Variants in CROCC2 observed in about 807,000 individuals in gnomAD.
CROCC2 encodes the protein ciliary rootlet coiled-coil, rootletin family member 2, also known as ciliary rootlet coiled-coil protein 2.
In CROCC2, 163 loss-of-function variants were observed where a neutral mutation model predicts 177.6. That is an observed-to-expected ratio of 0.92 (90% confidence interval 0.81 to 1.05). The LOEUF is 1.05. Among genes scored for constraint, CROCC2 ranks in the 50% least tolerant of loss-of-function variants. The pLI, the probability that CROCC2 is intolerant of heterozygous loss-of-function variation, is 0.00. For missense variants in CROCC2, 1,929 were observed against 1,797.8 expected (o/e 1.07, Z -1.32); for synonymous variants, 904 against 787.3 (o/e 1.15, Z -2.48).
intron 27 of CROCC2, among the ~76,000 whole-genome samples, chr2:240,975,831 G>T (rs1046121358): frequency 6.8e-6 from 1 of 148,106 alleles, no homozygotes; most frequent in African/African-American, 2.5e-5. Flanking sequence ...CCAGGTTCAA[G>T]TGATTCTCCT....
Position 240,935,064 on chromosome 2 carries a change from T to A in CROCC2, c.1938+2T>A, listed in dbSNP as rs2059459413. The A allele has an allele frequency of 1.5e-6, 2 of 1,362,758 alleles. No individual in the cohort carries two copies. Among genetic ancestry groups the A allele is most frequent in the Non-Finnish European group, 1.9e-6 (2 of 1,050,620 alleles). The allele number at this position is 1,362,758 out of a possible 1,614,324, so 84.4% of individuals were successfully genotyped here. A position where few individuals can be genotyped will look rare whatever the true frequency, so the allele number is the denominator to read the frequency against. The stretch of plus-strand genomic sequence containing the variant: ...GCCCTGAACCACCTGGCTCTCCAGG[T>A]GAGACAAGGGCCAGTGGGGCGGGCC... On this transcript the variant is annotated splice_donor_variant, in intron 13 of 31. Transcript: ENST00000690015. LOFTEE classifies it high-confidence loss of function.
At position 240,949,418 on chromosome 2, in the gene CROCC2, C is replaced by A; in HGVS notation, c.2483-115C>A. ...CCCTGCCATGTGCTGGCCACCCACT[C>A]CCGGAGCCTGGAGTGGACAGTGCTT... On this transcript the variant is annotated intron_variant, in intron 16 of 31. Transcript: ENST00000690015. This position sits in a 1 kb window ranked among gnomAD's most constrained non-coding sequence, Gnocchi z 4.5. The A allele has an allele frequency of 7.6e-7, 1 of 1,319,010 alleles. No homozygotes were observed. Among genetic ancestry groups the A allele is most frequent in the Non-Finnish European group, 1.0e-6 (1 of 963,526 alleles). 81.7% of individuals were successfully genotyped at this position (1,319,010 alleles called of 1,614,324 possible). A position where few individuals can be genotyped will look rare whatever the true frequency, so the allele number is the denominator to read the frequency against.
At position 240,955,867 on chromosome 2, in the gene CROCC2, C is replaced by T; in HGVS notation, c.2838C>T (p.Ser946=). 6.5e-7 allele frequency: 1 copy of T among 1,534,866 alleles called. No individual in the cohort carries two copies. Among genetic ancestry groups the T allele is most frequent in the Non-Finnish European group, 8.7e-7 (1 of 1,146,620 alleles). Residue 946 remains serine, a synonymous_variant, in exon 19 of 32, where the codon TCC becomes TCT. Transcript: ENST00000690015. Reference sequence around the variant, plus strand: ...TACCCCGTCCTGTTCAGGCCCTGTCCCTGAAAGAAACAGAGCGGAGCCTTC... The same window carrying T: ...TACCCCGTCCTGTTCAGGCCCTGTCTCTGAAAGAAACAGAGCGGAGCCTTC... ...QLEHKMQQAL[S]LKETERSLLS... is the part of the protein sequence containing the mutation.
Position 240,946,066 on chromosome 2 carries a change from T to C in CROCC2, c.2176T>C (p.Cys726Arg), listed in dbSNP as rs371639534. ...CCCTCCCCACCTCCCCTAGGTCACATGCCAGAAACAGGCCCTGGAGGAGCA... is the reference window on the plus strand; with the variant it reads ...CCCTCCCCACCTCCCCTAGGTCACACGCCAGAAACAGGCCCTGGAGGAGCA... Reference protein sequence around the residue: ...QLQEQVGQVTCQKQALEEQLA... With the variant: ...QLQEQVGQVTRQKQALEEQLA... Residue 726 changes from cysteine to arginine, a missense_variant, in exon 15 of 32, where the codon TGC (cysteine) becomes CGC (arginine). Coordinates refer to ENST00000690015, the MANE Select transcript of CROCC2 (RefSeq NM_001351305.2). The C allele has an allele frequency of 9.1e-5, 137 of 1,512,024 alleles. No homozygotes were observed. In the African/African-American group the frequency reaches 1.7e-3, roughly 19 times the overall value. 93.7% of individuals were successfully genotyped at this position (1,512,024 alleles called of 1,614,324 possible).
In CROCC2 at chr2:240,935,601, G is replaced by A. The variant is rs2059464303; in HGVS notation, c.2169+13G>A. ...GCAGGTGGGCCAGGTGAGGACGTCT[G>A]CAGGGCATGCTGCCGCCGTCTGGGA... On this transcript the variant is annotated intron_variant, in intron 14 of 31. Coordinates refer to ENST00000690015, the MANE Select transcript of CROCC2 (RefSeq NM_001351305.2). 5.8e-6 allele frequency: 8 copies of A among 1,384,984 alleles called. No individual in the cohort carries two copies. Among genetic ancestry groups the A allele is most frequent in the African/African-American group, 1.5e-5 (1 of 66,054 alleles). The allele number at this position is 1,384,984 out of a possible 1,614,324, so 85.8% of individuals were successfully genotyped here.
intron 15 of CROCC2, among the ~76,000 whole-genome samples, chr2:240,948,435 T>G: frequency 6.6e-6 from 1 of 152,174 alleles, no homozygotes; most frequent in Non-Finnish European, 1.5e-5. Context: ...CATTTGTGTG[T>G]TCATATGGGT....
chr2:240,917,107 C>T lies in CROCC2; in HGVS notation c.79-1619C>T, dbSNP rs1353197225. The stretch of plus-strand genomic sequence containing the variant: ...CTGCAGTGAAGGCGCCTCCCAAGAC[C>T]TCCCAGGGGACTGAGAGACAGACCC... On this transcript the variant is annotated intron_variant, in intron 1 of 31. Coordinates refer to ENST00000690015, the MANE Select transcript of CROCC2 (RefSeq NM_001351305.2). This position sits in a 1 kb window ranked among gnomAD's most constrained non-coding sequence, Gnocchi z 4.9. Among the ~76,000 whole-genome samples, 1 of 152,166 alleles carries T rather than the reference C, an allele frequency of 6.6e-6. No individual in the cohort carries two copies. The highest frequency in any genetic ancestry group is 1.5e-5 in the Non-Finnish European group (1 of 68,022).
Position 240,949,786 on chromosome 2 carries a change from C to A in CROCC2, c.2652+84C>A. The A allele has an allele frequency of 7.2e-7, 1 of 1,384,950 alleles. No individual in the cohort carries two copies. Among genetic ancestry groups the A allele is most frequent in the East Asian group, 2.5e-5 (1 of 39,744 alleles). The allele number at this position is 1,384,950 out of a possible 1,614,324, so 85.8% of individuals were successfully genotyped here. A position where few individuals can be genotyped will look rare whatever the true frequency, so the allele number is the denominator to read the frequency against. On this transcript the variant is annotated intron_variant, in intron 17 of 31. Transcript: ENST00000690015. This position sits in a 1 kb window ranked among gnomAD's most constrained non-coding sequence, Gnocchi z 4.5. The stretch of plus-strand genomic sequence containing the variant: ...GGCAGGCCCTTGGGAGGAGGGGGCC[C>A]TGGGAGACAGAGCTCAGAGACATAG...
At position 240,989,706 on chromosome 2, in the gene CROCC2, C is replaced by A; in HGVS notation, c.4736C>A (p.Thr1579Lys). The A allele has an allele frequency of 6.5e-7, 1 of 1,550,236 alleles. No homozygotes were observed. Among genetic ancestry groups the A allele is most frequent in the South Asian group, 1.2e-5 (1 of 84,046 alleles). ...QAHTQRLQDL[T>K]AQHQRDLATE... is the part of the protein sequence containing the mutation. ...CACACCCAGCGGCTCCAGGACCTGACAGCTCAGCACCAGCGGGACCTGGCC... is the reference window on the plus strand; with the variant it reads ...CACACCCAGCGGCTCCAGGACCTGAAAGCTCAGCACCAGCGGGACCTGGCC... The change falls in exon 30 of 32, where the codon ACA becomes AAA. Residue 1579 changes from threonine (T) to lysine (K), a missense_variant. Coordinates refer to ENST00000690015, the MANE Select transcript of CROCC2 (RefSeq NM_001351305.2).
At chr2:240,910,961 T>C (rs1389351999) in intron 1 of CROCC2, among the ~76,000 whole-genome samples, 2 of 151,938 alleles carry the variant, frequency 1.3e-5, no homozygotes, top group Non-Finnish European at 2.9e-5. Flanking sequence ...TGAAACCCCG[T>C]CTCTACTGAA....
At chr2:240,945,965 T>C in intron 14 of CROCC2, 95 bp from the exon 15 acceptor site, 1 of 968,320 alleles carries the variant, frequency 1.0e-6, no homozygotes, top group Non-Finnish European at 1.5e-6. Flanking sequence ...ATAAAATCAC[T>C]TCTTCTGAAG....
In CROCC2 at chr2:240,932,380, C is replaced by T. The variant is rs1317541132; in HGVS notation, c.1010C>T (p.Thr337Ile). Reference sequence around the variant, plus strand: ...GAGCAGAATGAGCAGAAGGCGAAGACCATCGCTGCCCTCAGAACCGACCTG... The same window carrying T: ...GAGCAGAATGAGCAGAAGGCGAAGATCATCGCTGCCCTCAGAACCGACCTG... ...LTEQNEQKAKTIAALRTDLQN... is the reference protein window; with the variant it reads ...LTEQNEQKAKIIAALRTDLQN... Residue 337 changes from threonine to isoleucine, a missense_variant, in exon 8 of 32, where the codon ACC becomes ATC. Physicochemically the swap from Thr to Ile is moderately conservative, Grantham distance 89. Coordinates refer to ENST00000690015, the MANE Select transcript of CROCC2 (RefSeq NM_001351305.2). The T allele has an allele frequency of 1.4e-6, 1 of 717,374 alleles. No homozygotes were observed. Among genetic ancestry groups the T allele is most frequent in the African/African-American group, 1.7e-5 (1 of 57,270 alleles). The allele number at this position is 717,374 out of a possible 1,614,324, so 44.4% of individuals were successfully genotyped here.
At chr2:240,944,258 A>G (rs944225333) in intron 14 of CROCC2, among the ~76,000 whole-genome samples, 7 of 152,054 alleles carry the variant, frequency 4.6e-5, no homozygotes, top group Non-Finnish European at 1.5e-5. Flanking sequence ...TATCTTTGGT[A>G]TTCAGAAACT....
chr2:240,933,966 A>G (rs1195731267), intron 11 of CROCC2, 114 bp downstream of exon 11: 2 of 1,183,414 alleles, frequency 1.7e-6, no homozygotes, highest in East Asian at 2.6e-5. Flanking sequence ...GTCTCATCTC[A>G]GGGTGTGGTG....
chr2:240,961,993 A>C (rs1410138480), intron 20 of CROCC2, among the ~76,000 whole-genome samples: 3 of 145,330 alleles, frequency 2.1e-5, no homozygotes, highest in Non-Finnish European at 4.5e-5. Context: ...GCACCGGCCC[A>C]CACACACACT....
At chr2:240,987,420 C>T (rs1326526026) in intron 28 of CROCC2, among the ~76,000 whole-genome samples, 1 of 152,120 alleles carries the variant, frequency 6.6e-6, no homozygotes, top group African/African-American at 2.4e-5. Context: ...ACATGCACTT[C>T]CAGGAGTGTA....
chr2:240,911,768 T>G (rs1165779903), intron 1 of CROCC2, among the ~76,000 whole-genome samples: 1 of 152,116 alleles, frequency 6.6e-6, no homozygotes, highest in Non-Finnish European at 1.5e-5. Flanking sequence ...GCGGGCTTAT[T>G]TCACTGAGCA....
chr2:240,921,913 G>A (rs1429510453), intron 3 of CROCC2, among the ~76,000 whole-genome samples: 2 of 152,204 alleles, frequency 1.3e-5, no homozygotes, highest in African/African-American at 2.4e-5. Context: ...GCCCAAGTTC[G>A]GTCTTGGCCC....
chr2:240,949,438 G>A lies in CROCC2; in HGVS notation c.2483-95G>A. The A allele has an allele frequency of 7.0e-7, 1 of 1,435,412 alleles. No homozygotes were observed. Among genetic ancestry groups the A allele is most frequent in the Non-Finnish European group, 9.4e-7 (1 of 1,059,606 alleles). The allele number at this position is 1,435,412 out of a possible 1,614,324, so 88.9% of individuals were successfully genotyped here. A position where few individuals can be genotyped will look rare whatever the true frequency, so the allele number is the denominator to read the frequency against. On this transcript the variant is annotated intron_variant, in intron 16 of 31. Transcript: ENST00000690015. The surrounding 1 kb of genome is among the most constrained non-coding windows in gnomAD (Gnocchi z 4.5). ...CCACTCCCGGAGCCTGGAGTGGACA[G>A]TGCTTGCCCCCAAGACTGTCACTCC...
Sources: gnomAD v4.1 joint callset for allele counts (sites outside exome capture counted in the v4.1 genomes callset) on GRCh38, gnomAD v4.1.1 for gene constraint, Gnocchi (gnomAD v3.1) non-coding constraint, MANE v1.5 for transcripts, NCBI Gene and HGNC (gene_info 2026-07-23, HGNC 2026-07-21) for gene names.